Variants in RBFOX1 observed in about 807,000 individuals in gnomAD.
The protein encoded by RBFOX1 is RNA binding protein fox-1 homolog 1.
Under a neutral mutation model 57.7 loss-of-function variants are expected in RBFOX1, and 8 were observed. The observed-to-expected ratio is 0.14, with a 90% CI of 0.08 to 0.25. The LOEUF (loss-of-function observed/expected upper bound fraction) is 0.25, where lower values mean the gene tolerates loss of function less well. Ranked by LOEUF, RBFOX1 falls within the 10% of genes least tolerant of loss-of-function variation. RBFOX1 has a pLI of 1.00. For missense variants in RBFOX1, 611 were observed against 548.5 expected, an observed-to-expected ratio of 1.11 and a Z score of -1.14; for synonymous variants, 326 against 222.4, an observed-to-expected ratio of 1.47 and a Z score of -4.15.
exon 3 of RBFOX1, chr16:5,600,132 A>AC (rs1327970237): frequency 7.6e-6 from 1 of 131,000 alleles, no homozygotes; most frequent in Non-Finnish European, 1.6e-5. Context: ...TACTAAAAAT[A>AC]CAAAAAAAAA....
chr16:6,449,555 A>C (rs1468167151), intron 2 of RBFOX1, among the ~76,000 whole-genome samples: 1 of 152,136 alleles, frequency 6.6e-6, no homozygotes, highest in Non-Finnish European at 1.5e-5. Flanking sequence ...GAATCGGAGG[A>C]TTTATTCCCC....
chr16:7,342,264 G>T (rs577842314), intron 4 of RBFOX1, among the ~76,000 whole-genome samples: 1 of 152,160 alleles, frequency 6.6e-6, no homozygotes, highest in African/African-American at 2.4e-5. Context: ...CCTTTGCAGT[G>T]TAGTCATGGT....
At chr16:5,926,275 G>A (rs1246214754) in intron 4 of RBFOX1, among the ~76,000 whole-genome samples, 1 of 152,210 alleles carries the variant, frequency 6.6e-6, no homozygotes, top group African/African-American at 2.4e-5. Context: ...CTGCATTCAG[G>A]AACGCTGTAG....
At chr16:5,402,432 T>G (rs2066742485) in intron 1 of RBFOX1, among the ~76,000 whole-genome samples, 2 of 152,234 alleles carry the variant, frequency 1.3e-5, no homozygotes, top group Admixed American at 6.5e-5. Context: ...GATCCCCAGC[T>G]CACAACCTCC....
At chr16:7,534,916 G>A (rs755051145) in intron 5 of RBFOX1, among the ~76,000 whole-genome samples, 2 of 152,178 alleles carry the variant, frequency 1.3e-5, no homozygotes, top group African/African-American at 4.8e-5. Context: ...AAGCGCTGCA[G>A]GCTTTCTGAG....
At chr16:5,828,719 G>A (rs2056162702) in intron 3 of RBFOX1, among the ~76,000 whole-genome samples, 1 of 152,086 alleles carries the variant, frequency 6.6e-6, no homozygotes, top group South Asian at 2.1e-4. Context: ...AGAAAAAAAT[G>A]GAACCTTGTC....
At chr16:6,419,661 C>T (rs1003376608) in intron 2 of RBFOX1, among the ~76,000 whole-genome samples, 1 of 152,160 alleles carries the variant, frequency 6.6e-6, no homozygotes, top group African/African-American at 2.4e-5. Context: ...CCCACCTGTA[C>T]ATCTGGGATA....
At chr16:7,251,714 C>A (rs924599325) in intron 4 of RBFOX1, among the ~76,000 whole-genome samples, 2 of 152,124 alleles carry the variant, frequency 1.3e-5, no homozygotes, top group African/African-American at 2.4e-5. Context: ...GCCACAGTGC[C>A]TGGTCATGTC....
chr16:5,290,469 G>A (rs2063506455), intron 1 of RBFOX1, among the ~76,000 whole-genome samples: 1 of 152,182 alleles, frequency 6.6e-6, no homozygotes, highest in South Asian at 2.1e-4. Context: ...TCCTGATGGT[G>A]GTTGCCGAGC....
chr16:5,335,313 T>G (rs1336590700), intron 1 of RBFOX1, among the ~76,000 whole-genome samples: 1 of 152,208 alleles, frequency 6.6e-6, no homozygotes, highest in Non-Finnish European at 1.5e-5. Context: ...GGATGGAGCC[T>G]GAGGCTTGCC....
At chr16:7,091,777 A>G (rs999192862) in intron 4 of RBFOX1, among the ~76,000 whole-genome samples, 1 of 152,140 alleles carries the variant, frequency 6.6e-6, no homozygotes, top group Non-Finnish European at 1.5e-5. Flanking sequence ...GCTTTTTCTG[A>G]TCTGTACTCT....
chr16:6,201,607 T>C (rs2097215814), intron 1 of RBFOX1, among the ~76,000 whole-genome samples: 1 of 152,130 alleles, frequency 6.6e-6, no homozygotes, highest in Non-Finnish European at 1.5e-5. Flanking sequence ...TTTGGTGTCA[T>C]AATAGGGTGA....
At chr16:7,142,879 C>G (rs1018318666) in intron 4 of RBFOX1, among the ~76,000 whole-genome samples, 1 of 150,752 alleles carries the variant, frequency 6.6e-6, no homozygotes, top group Non-Finnish European at 1.5e-5. Flanking sequence ...CTTCTCTTTT[C>G]CTTAATATCA....
chr16:6,293,916 C>T (rs181349804), intron 1 of RBFOX1, among the ~76,000 whole-genome samples: 15 of 125,702 alleles, frequency 1.2e-4, no homozygotes, highest in South Asian at 4.7e-4. Context: ...TGGAAATAGA[C>T]GAATTGCAGG....
chr16:6,200,148 A>T (rs2097205855), intron 1 of RBFOX1, among the ~76,000 whole-genome samples: 1 of 152,158 alleles, frequency 6.6e-6, no homozygotes, highest in South Asian at 2.1e-4. Flanking sequence ...GAACACCTTG[A>T]TTCTGAAAGA....
chr16:7,182,000 A>G (rs937729767), intron 4 of RBFOX1, among the ~76,000 whole-genome samples: 3 of 152,232 alleles, frequency 2.0e-5, no homozygotes, highest in African/African-American at 7.2e-5. Flanking sequence ...CAAGCATACC[A>G]CTGATTCCAC....
chr16:7,263,748 T>C (rs1442061526), intron 4 of RBFOX1, among the ~76,000 whole-genome samples: 1 of 151,642 alleles, frequency 6.6e-6, no homozygotes, highest in Non-Finnish European at 1.5e-5. Context: ...ATACAAAAAT[T>C]AGCTGGGTGT....
intron 1 of RBFOX1, among the ~76,000 whole-genome samples, chr16:5,367,128 A>C (rs923817609): frequency 2.0e-5 from 3 of 152,204 alleles, no homozygotes; most frequent in African/African-American, 7.2e-5. Flanking sequence ...AAACAACTTA[A>C]ATTTTTAGAC....
intron 11 of RBFOX1, among the ~76,000 whole-genome samples, chr16:7,640,068 G>C (rs2062506519): frequency 6.6e-6 from 1 of 152,140 alleles, no homozygotes. Flanking sequence ...GCTTTTACTA[G>C]CTCTGATATT....
Sources: gnomAD v4.1 joint callset for allele counts (sites outside exome capture counted in the v4.1 genomes callset) on GRCh38, gnomAD v4.1.1 for gene constraint, MANE v1.5 for transcripts, NCBI Gene and HGNC (gene_info 2026-07-23, HGNC 2026-07-21) for gene names.